Variants in POC1A observed in about 807,000 individuals in gnomAD.
POC1A encodes POC1 centriolar protein A.
Under a neutral mutation model 47.8 loss-of-function variants are expected in POC1A, and 34 were observed. The observed-to-expected ratio is 0.71, with a 90% CI of 0.54 to 0.95. The LOEUF is 0.95. Ranked by LOEUF, POC1A falls within the 40% of genes least tolerant of loss-of-function variation. The probability of loss-of-function intolerance (pLI) is 0.00; values close to 1 mark genes in which losing one functional copy is unlikely to be tolerated. For synonymous variants in POC1A, 177 were observed against 207.6 expected (o/e 0.85, Z 1.27); for missense variants, 466 against 528.3 (o/e 0.88, Z 1.16).
At chr3:52,150,251 C>G (rs181735724) in intron 2 of POC1A, among the ~76,000 whole-genome samples, 11 of 152,190 alleles carry the variant, frequency 7.2e-5, no homozygotes, top group Admixed American at 3.3e-4. Flanking sequence ...GGACTGCAAT[C>G]CAGAGCTCTG....
intron 6 of POC1A, among the ~76,000 whole-genome samples, chr3:52,138,854 G>A (rs1380666266): frequency 1.3e-5 from 2 of 152,270 alleles, no homozygotes; most frequent in African/African-American, 2.4e-5. Flanking sequence ...TTTTTTGAGA[G>A]ACAGAGTCTC....
chr3:52,126,945 C>G (rs1421291942), intron 7 of POC1A, among the ~76,000 whole-genome samples: 2 of 152,188 alleles, frequency 1.3e-5, no homozygotes, highest in African/African-American at 4.8e-5. Context: ...CTTTGGGGAA[C>G]ACATTCTAAT....
chr3:52,103,880 C>T (rs1354735953), intron 9 of POC1A, among the ~76,000 whole-genome samples: 1 of 152,140 alleles, frequency 6.6e-6, no homozygotes, highest in African/African-American at 2.4e-5. Flanking sequence ...CTTGAACTCT[C>T]ATATACTGCT....
intron 10 of POC1A, among the ~76,000 whole-genome samples, chr3:52,080,280 C>G (rs572313188): frequency 2.6e-5 from 4 of 152,208 alleles, no homozygotes; most frequent in Non-Finnish European, 4.4e-5. Flanking sequence ...CTGTCCCCAT[C>G]AAGAATGCCA....
intron 9 of POC1A, among the ~76,000 whole-genome samples, chr3:52,102,923 A>G (rs1355583949): frequency 2.6e-5 from 4 of 152,248 alleles, no homozygotes; most frequent in Admixed American, 2.6e-4. Flanking sequence ...GAAAAAAAGA[A>G]TAAATTAGAG....
chr3:52,133,563 C>T (rs1704318559), intron 7 of POC1A, among the ~76,000 whole-genome samples: 1 of 152,084 alleles, frequency 6.6e-6, no homozygotes, highest in South Asian at 2.1e-4. Flanking sequence ...AGGTCCAGCC[C>T]AGGAGACCCA....
chr3:52,087,238 G>A (rs918835978), intron 10 of POC1A, among the ~76,000 whole-genome samples: 1 of 152,198 alleles, frequency 6.6e-6, no homozygotes, highest in Non-Finnish European at 1.5e-5. Flanking sequence ...CTGGTCTGAT[G>A]ATGACTAAAA....
intron 8 of POC1A, 106 bp downstream of exon 8, chr3:52,125,007 G>T (rs576268825): frequency 2.4e-6 from 2 of 848,502 alleles, no homozygotes; most frequent in East Asian, 5.1e-5. Context: ...AGCCACCAAG[G>T]AAGCTGGCGA....
At chr3:52,085,235 T>C (rs1189033324) in intron 10 of POC1A, among the ~76,000 whole-genome samples, 3 of 152,142 alleles carry the variant, frequency 2.0e-5, no homozygotes, top group Non-Finnish European at 2.9e-5. Context: ...CTGCCCCAGC[T>C]GGGCTCCTCC....
chr3:52,088,064 T>A (rs1003590848), intron 10 of POC1A, among the ~76,000 whole-genome samples: 30 of 152,206 alleles, frequency 2.0e-4, no homozygotes, highest in Admixed American at 5.2e-4. Context: ...ACAATCCATA[T>A]AAAGTAGTTA....
intron 9 of POC1A, among the ~76,000 whole-genome samples, chr3:52,097,530 G>A (rs1559817758): frequency 6.6e-6 from 1 of 152,232 alleles, no homozygotes; most frequent in African/African-American, 2.4e-5. Context: ...CGGGATGCTG[G>A]AGCCAAGGAT....
At chr3:52,116,985 C>A (rs554284954) in intron 9 of POC1A, among the ~76,000 whole-genome samples, 3 of 152,054 alleles carry the variant, frequency 2.0e-5, no homozygotes, top group Non-Finnish European at 4.4e-5. Flanking sequence ...CTCTCGAGTT[C>A]GAGACCAGCC....
intron 10 of POC1A, among the ~76,000 whole-genome samples, chr3:52,083,630 A>T (rs1203575895): frequency 6.6e-6 from 1 of 152,026 alleles, no homozygotes; most frequent in Non-Finnish European, 1.5e-5. Context: ...TTTCCTTTCA[A>T]GGCCTCTTCA....
chr3:52,082,293 G>A (rs954865815), intron 10 of POC1A, among the ~76,000 whole-genome samples: 2 of 152,168 alleles, frequency 1.3e-5, no homozygotes, highest in Non-Finnish European at 2.9e-5. Flanking sequence ...TGATGTCAGC[G>A]ATGGGCTGAA....
At chr3:52,088,926 A>G (rs1454461230) in intron 10 of POC1A, among the ~76,000 whole-genome samples, 1 of 143,660 alleles carries the variant, frequency 7.0e-6, no homozygotes, top group East Asian at 2.0e-4. Flanking sequence ...GAAATCTCGT[A>G]TGACCGACCA....
At chr3:52,115,802 T>C (rs12488456) in intron 9 of POC1A, among the ~76,000 whole-genome samples, 14,348 of 152,150 alleles carry the variant, frequency 0.094, 1,335 homozygotes, top group East Asian at 0.36. Flanking sequence ...TCCAGAACTG[T>C]GAGAAATAAA....
chr3:52,152,792 T>G (rs1306877451), intron 1 of POC1A, among the ~76,000 whole-genome samples: 4 of 152,150 alleles, frequency 2.6e-5, no homozygotes, highest in Non-Finnish European at 4.4e-5. Flanking sequence ...ATAAACCAAA[T>G]GTAGCATATT....
intron 6 of POC1A, among the ~76,000 whole-genome samples, chr3:52,140,029 A>G (rs1338012126): frequency 2.0e-5 from 3 of 152,204 alleles, no homozygotes; most frequent in Non-Finnish European, 4.4e-5. Context: ...TGCCACCAAC[A>G]TAAAGGCAGA....
In POC1A at chr3:52,075,655, G is replaced by GTCC. The variant is rs1419395313; in HGVS notation, c.*231_*232insGGA. On this transcript the variant is annotated 3_prime_UTR_variant, in exon 11 of 11. Transcript: ENST00000296484. ...AGCAAAATGTGGTCCTCTCATTCGG[G>GTCC]TCTGAAGCATCATTTGTGTGTGAGC... is the stretch of plus-strand genomic sequence containing the variant. 1 of 438,454 alleles carries GTCC rather than the reference G, an allele frequency of 2.3e-6. No homozygotes were observed. Among genetic ancestry groups the GTCC allele is most frequent in the Non-Finnish European group, 4.3e-6 (1 of 233,764 alleles). 27.2% of individuals were successfully genotyped at this position (438,454 alleles called of 1,614,324 possible).
Sources: gnomAD v4.1 joint callset for allele counts (sites outside exome capture counted in the v4.1 genomes callset) on GRCh38, gnomAD v4.1.1 for gene constraint, MANE v1.5 for transcripts, NCBI Gene and HGNC (gene_info 2026-07-23, HGNC 2026-07-21) for gene names.